SLC27A2: variants seen among roughly 807,000 people sequenced by gnomAD.
SLC27A2 encodes the protein long-chain fatty acid transport protein 2.
SLC27A2 carries 54 observed loss-of-function variants against 60.0 expected under a neutral mutation model. The ratio of observed to expected loss-of-function variants is 0.90; its 90% CI spans 0.72 to 1.13. The LOEUF (loss-of-function observed/expected upper bound fraction) is 1.13. Among genes scored for constraint, SLC27A2 ranks in the 50% most tolerant of loss-of-function variants. The pLI is 0.00. For synonymous variants in SLC27A2, 297 were observed against 297.6 expected (o/e 1.00, Z 0.02); for missense variants, 739 against 777.6 (o/e 0.95, Z 0.59).
At position 50,191,876 on chromosome 15, in the gene SLC27A2, T is replaced by C. The variant is rs1261380795; in HGVS notation, c.479-5624T>C. On this transcript the variant is annotated intron_variant, in intron 1 of 9. Coordinates refer to ENST00000267842, the MANE Select transcript of SLC27A2 (RefSeq NM_003645.4). ...GGAGTTCAAGACCAGCCTGGCCAAA[T>C]TGGTGAAACCCCATCTCTACTAAAA... Among the ~76,000 whole-genome samples, 7 of 151,930 alleles carry C rather than the reference T, an allele frequency of 4.6e-5. No homozygotes were observed. The South Asian group carries it at 8.3e-4, about 18-fold the overall frequency.
chr15:50,195,919 G>A (rs2045011744), intron 1 of SLC27A2, among the ~76,000 whole-genome samples: 2 of 149,478 alleles, frequency 1.3e-5, no homozygotes, highest in South Asian at 4.3e-4. Context: ...ACTGGGCATG[G>A]TGGCGGGCGC....
chr15:50,213,544 T>C (rs902144202), intron 4 of SLC27A2, among the ~76,000 whole-genome samples: 1 of 152,166 alleles, frequency 6.6e-6, no homozygotes, highest in Non-Finnish European at 1.5e-5. Flanking sequence ...TTCACCAAGA[T>C]AGACCACATG....
At position 50,235,942 on chromosome 15, in the gene SLC27A2, C is replaced by A. The variant is rs762328141; in HGVS notation, c.1709C>A (p.Thr570Asn). 5.0e-6 allele frequency: 8 copies of A among 1,612,704 alleles called. No homozygotes were observed. Among genetic ancestry groups the A allele is most frequent in the Non-Finnish European group, 6.8e-6 (8 of 1,179,304 alleles). Residue 570 changes from threonine (T) to asparagine (N), a missense_variant, in exon 10 of 10, where the codon ACT (threonine) becomes AAT (asparagine). Transcript: ENST00000267842. Reference sequence around the variant, plus strand: ...CAGGACACCATTGAGATCACTGGAACTTTTAAACACCGCAAAATGACCCTG... The same window carrying A: ...CAGGACACCATTGAGATCACTGGAAATTTTAAACACCGCAAAATGACCCTG... ...RIQDTIEITG[T>N]FKHRKMTLVE...
intron 8 of SLC27A2, among the ~76,000 whole-genome samples, chr15:50,231,210 T>C (rs1466749502): frequency 6.7e-6 from 1 of 150,256 alleles, no homozygotes; most frequent in Non-Finnish European, 1.5e-5. Flanking sequence ...AATGGCGCGA[T>C]CTCGGCTCAC....
intron 2 of SLC27A2, 136 bp downstream of exon 2, chr15:50,197,845 G>A (rs933857): frequency 0.82 from 528,128 of 643,906 alleles, 218,027 homozygotes; most frequent in East Asian, 0.95. Context: ...TTGCCTGCGG[G>A]AACTGATCTT....
At chr15:50,202,426 C>T in intron 2 of SLC27A2, 61 bp from the exon 3 acceptor site, 1 of 1,555,468 alleles carries the variant, frequency 6.4e-7, no homozygotes, top group African/African-American at 1.4e-5. Context: ...CCAGATCTCT[C>T]TCCTACACTG....
intron 5 of SLC27A2, among the ~76,000 whole-genome samples, chr15:50,224,015 C>G (rs1315936005): frequency 6.6e-6 from 1 of 152,220 alleles, no homozygotes; most frequent in African/African-American, 2.4e-5. Context: ...CCACCATATG[C>G]TAGCTGAGTG....
chr15:50,204,636 G>A (rs569440152), intron 3 of SLC27A2, among the ~76,000 whole-genome samples: 1 of 151,790 alleles, frequency 6.6e-6, no homozygotes, highest in Non-Finnish European at 1.5e-5. Context: ...AGGAGGCTGA[G>A]GCAGGAGAAT....
Position 50,182,642 on chromosome 15 carries a change from T to A in SLC27A2, c.215T>A (p.Leu72Gln), listed in dbSNP as rs1259650782. ...KARQTPHKPF[L>Q]LFRDETLTYA... The stretch of plus-strand genomic sequence containing the variant: ...CGCCAGACGCCACACAAGCCTTTTC[T>A]GCTCTTCCGCGACGAGACTCTCACC... Residue 72 changes from leucine (L) to glutamine (Q), a missense_variant, in exon 1 of 10, where the codon CTG becomes CAG. By Grantham distance (113) the Leu-to-Gln change is moderately radical (BLOSUM62 -2). Transcript: ENST00000267842. 1 of 1,613,994 alleles carries A rather than the reference T, an allele frequency of 6.2e-7. No individual in the cohort carries two copies. Among genetic ancestry groups the A allele is most frequent in the Non-Finnish European group, 8.5e-7 (1 of 1,179,916 alleles).
intron 8 of SLC27A2, among the ~76,000 whole-genome samples, chr15:50,233,187 C>T (rs977139767): frequency 6.6e-6 from 1 of 152,158 alleles, no homozygotes; most frequent in Admixed American, 6.5e-5. Flanking sequence ...CCTGCCTTCA[C>T]CTCCTGTCCC....
At chr15:50,233,316 A>G (rs753297392) in intron 8 of SLC27A2, among the ~76,000 whole-genome samples, 5 of 152,234 alleles carry the variant, frequency 3.3e-5, no homozygotes, top group Non-Finnish European at 5.9e-5. Context: ...CCTGAAGAAC[A>G]ACCCAAGCTC....
At chr15:50,234,054 T>C (rs1407134348) in intron 9 of SLC27A2, 56 bp downstream of exon 9, 3 of 1,476,030 alleles carry the variant, frequency 2.0e-6, no homozygotes, top group Non-Finnish European at 2.7e-6. Context: ...TTCCTACCAC[T>C]TAGGGAACAA....
Position 50,185,683 on chromosome 15 carries a change from G to A in SLC27A2, c.478+2778G>A, listed in dbSNP as rs1189296936. On this transcript the variant is annotated intron_variant, in intron 1 of 9. Coordinates refer to ENST00000267842, the MANE Select transcript of SLC27A2 (RefSeq NM_003645.4). Reference sequence around the variant, plus strand: ...CTCGCTCTTTCGCCCAGGCCAGGCTGCTGTGGCGTGATCTCGGCTCACTGC... The same window carrying A: ...CTCGCTCTTTCGCCCAGGCCAGGCTACTGTGGCGTGATCTCGGCTCACTGC... 1.5e-3 allele frequency among the ~76,000 whole-genome samples: 206 copies of A among 134,890 alleles called. 1 individual carries two copies. The highest frequency in any genetic ancestry group is 4.5e-5 in the Non-Finnish European group (3 of 66,074). 88.5% of individuals were successfully genotyped at this position (134,890 alleles called of 152,430 possible).
At chr15:50,192,261 G>A (rs972639457) in intron 1 of SLC27A2, among the ~76,000 whole-genome samples, 1 of 152,092 alleles carries the variant, frequency 6.6e-6, no homozygotes, top group Non-Finnish European at 1.5e-5. Context: ...TTGGCAAGCC[G>A]CTGGAAACTC....
Position 50,228,976 on chromosome 15 carries a change from G to A in SLC27A2, c.1489G>A (p.Val497Ile). 1.2e-6 allele frequency: 2 copies of A among 1,614,084 alleles called. No individual in the cohort carries two copies. Among genetic ancestry groups the A allele is most frequent in the Non-Finnish European group, 1.7e-6 (2 of 1,179,934 alleles). Residue 497 changes from valine to isoleucine, a missense_variant, in exon 8 of 10, where the codon GTT becomes ATT. Transcript: ENST00000267842. ...AGGGGAAAATGTGGCCACCACTGAA[G>A]TTGCTGATACAGTTGGACTGGTTGA... Reference protein sequence around the residue: ...WKGENVATTEVADTVGLVDFV... With the variant: ...WKGENVATTEIADTVGLVDFV...
Position 50,233,960 on chromosome 15 carries a change from C to G in SLC27A2, c.1648C>G (p.Leu550Val). ...KKLFQHIADY[L>V]PSYARPRFLR... is the part of the protein sequence containing the mutation. Reference sequence around the variant, plus strand: ...ACTCTTTCAGCACATTGCTGATTACCTACCTAGTTATGCAAGGCCCCGGTT... The same window carrying G: ...ACTCTTTCAGCACATTGCTGATTACGTACCTAGTTATGCAAGGCCCCGGTT... Residue 550 changes from leucine (L) to valine (V), a missense_variant, in exon 9 of 10, where the codon CTA becomes GTA. By Grantham distance (32) the Leu-to-Val change is conservative. Coordinates refer to ENST00000267842, the MANE Select transcript of SLC27A2 (RefSeq NM_003645.4). The G allele has an allele frequency of 6.2e-7, 1 of 1,613,248 alleles. No homozygotes were observed. Among genetic ancestry groups the G allele is most frequent in the Non-Finnish European group, 8.5e-7 (1 of 1,179,412 alleles).
At chr15:50,207,201 G>A (rs1313036281) in intron 4 of SLC27A2, among the ~76,000 whole-genome samples, 1 of 152,082 alleles carries the variant, frequency 6.6e-6, no homozygotes, top group Non-Finnish European at 1.5e-5. Context: ...GTGTGTAGCT[G>A]TCTTCAGGCC....
chr15:50,227,239 G>C (rs558635356), intron 7 of SLC27A2, 61 bp downstream of exon 7: 1 of 1,318,488 alleles, frequency 7.6e-7, no homozygotes, highest in East Asian at 2.3e-5. Context: ...CTTACTCCTA[G>C]TGGAATCGCA....
intron 1 of SLC27A2, among the ~76,000 whole-genome samples, chr15:50,189,451 A>G (rs1252332400): frequency 1.3e-5 from 2 of 152,172 alleles, no homozygotes; most frequent in Non-Finnish European, 2.9e-5. Flanking sequence ...AATGATTAAT[A>G]TATCCAAGGG....
Sources: gnomAD v4.1 joint callset for allele counts (sites outside exome capture counted in the v4.1 genomes callset) on GRCh38, gnomAD v4.1.1 for gene constraint, MANE v1.5 for transcripts, NCBI Gene and HGNC (gene_info 2026-07-23, HGNC 2026-07-21) for gene names.